The following ACSL6 variants were observed in gnomAD, a reference collection of about 807,000 sequenced individuals.
The protein encoded by ACSL6 is long-chain-fatty-acid--CoA ligase 6.
In ACSL6, 47 loss-of-function variants were observed where a neutral mutation model predicts 98.2. That is an observed-to-expected ratio of 0.48 (90% CI 0.38 to 0.61). The LOEUF is 0.61. ACSL6 is among the 20% of genes least tolerant of loss of function. The pLI is 0.00. For missense variants in ACSL6, 761 were observed against 913.4 expected (o/e 0.83, Z 2.15); for synonymous variants, 362 against 336.9 (o/e 1.07, Z -0.82).
At chr5:132,001,012 C>A (rs1425318252) in intron 1 of ACSL6, among the ~76,000 whole-genome samples, 1 of 152,134 alleles carries the variant, frequency 6.6e-6, no homozygotes, top group African/African-American at 2.4e-5. Context: ...CTAGCTTCCC[C>A]CAACCCACCC....
In ACSL6 at chr5:131,951,835, C is replaced by T. The variant is rs1752178612; in HGVS notation, c.*2399G>A. 2 of 163,202 alleles carry T rather than the reference C, an allele frequency of 1.2e-5. No homozygotes were observed. The highest frequency in any genetic ancestry group is 4.1e-4 in the South Asian group (2 of 4,898). 10.1% of individuals were successfully genotyped at this position (163,202 alleles called of 1,614,324 possible). A position where few individuals can be genotyped will look rare whatever the true frequency, so the allele number is the denominator to read the frequency against. On this transcript the variant is annotated 3_prime_UTR_variant, in exon 21 of 21. Transcript: ENST00000651883. Reference sequence around the variant, plus strand: ...ATCTCCTGACTTCGTGATCTGCCCGCCTCGGCCTCCCAAAGTGCTGGGATT... The same window carrying T: ...ATCTCCTGACTTCGTGATCTGCCCGTCTCGGCCTCCCAAAGTGCTGGGATT...
At chr5:131,999,852 T>C (rs547630737) in intron 1 of ACSL6, among the ~76,000 whole-genome samples, 27 of 152,308 alleles carry the variant, frequency 1.8e-4, no homozygotes, top group African/African-American at 6.5e-4. Flanking sequence ...CCCCCTGCTT[T>C]TCCCCTCACC....
intron 15 of ACSL6, among the ~76,000 whole-genome samples, chr5:131,969,912 T>A (rs988962703): frequency 6.6e-6 from 1 of 152,134 alleles, no homozygotes; most frequent in Non-Finnish European, 1.5e-5. Context: ...TCTTCCAGTG[T>A]GTTAAGGATG....
chr5:131,988,509 A>G lies in ACSL6; in HGVS notation c.653-283T>C, dbSNP rs749250776. On this transcript the variant is annotated intron_variant, in intron 6 of 20. Coordinates refer to ENST00000651883, the MANE Select transcript of ACSL6 (RefSeq NM_001009185.3). ...CCCAGGTCTGTTTGAGATATTTACC[A>G]CCCCCTGCATCTGTGCCAAGCTGTC... 3.1e-6 allele frequency: 5 copies of G among 1,602,450 alleles called. No homozygotes were observed. In the Admixed American group the frequency reaches 8.4e-5, roughly 27 times the overall value.
intron 1 of ACSL6, among the ~76,000 whole-genome samples, chr5:131,995,507 C>T (rs1754752959): frequency 6.6e-6 from 1 of 152,140 alleles, no homozygotes; most frequent in African/African-American, 2.4e-5. Context: ...CCCGAGGCAC[C>T]CTCCTCACAG....
chr5:131,990,078 G>A (rs180862936), intron 4 of ACSL6, 22 bp downstream of exon 4: 5 of 1,612,198 alleles, frequency 3.1e-6, no homozygotes, highest in Non-Finnish European at 4.2e-6. Flanking sequence ...GGCCAGGGTG[G>A]GGCCTGTCCT....
chr5:131,967,652 G>A (rs944442034), intron 16 of ACSL6, among the ~76,000 whole-genome samples: 2 of 144,724 alleles, frequency 1.4e-5, no homozygotes, highest in African/African-American at 5.0e-5. Context: ...GAGACAGAGC[G>A]AGACTCCGTC....
At chr5:131,986,479 A>G (rs141621060) in intron 8 of ACSL6, among the ~76,000 whole-genome samples, 58 of 152,284 alleles carry the variant, frequency 3.8e-4, no homozygotes, top group African/African-American at 1.3e-3. Flanking sequence ...ACAAGAGTCC[A>G]TTTCTGGTTC....
At chr5:132,011,978 G>T, upstream of ACSL6, 1 of 1,515,902 alleles carries the variant, frequency 6.6e-7, no homozygotes, top group Non-Finnish European at 8.9e-7. The surrounding 1 kb of genome is among the most constrained non-coding windows in gnomAD (Gnocchi z 5.4). Flanking sequence ...GCGTGACATT[G>T]AGCCCACCCC....
At chr5:132,008,294 T>C (rs2126970687) in intron 1 of ACSL6, among the ~76,000 whole-genome samples, 1 of 152,262 alleles carries the variant, frequency 6.6e-6, no homozygotes, top group Non-Finnish European at 1.5e-5. Flanking sequence ...AAGGGGAGGA[T>C]CTCACAGGCC....
chr5:131,955,955 G>A (rs1017740009), intron 20 of ACSL6, among the ~76,000 whole-genome samples: 2 of 152,152 alleles, frequency 1.3e-5, no homozygotes, highest in African/African-American at 4.8e-5. Context: ...CTTCTGGTAA[G>A]TACAAACCAT....
intron 14 of ACSL6, 150 bp downstream of exon 14, chr5:131,971,400 C>T (rs1753299088): frequency 1.8e-6 from 1 of 553,406 alleles, no homozygotes; most frequent in Non-Finnish European, 2.9e-6. Flanking sequence ...CTTTCACTGG[C>T]TCTGAGTTTT....
intron 1 of ACSL6, among the ~76,000 whole-genome samples, chr5:132,002,216 G>A (rs1161111340): frequency 3.3e-5 from 5 of 152,182 alleles, no homozygotes; most frequent in Non-Finnish European, 7.3e-5. Context: ...TCCTGTGCAG[G>A]AAGCCAAATC....
At chr5:131,987,962 G>T (rs1263719482) in intron 7 of ACSL6, 86 bp downstream of exon 7, 21 of 1,544,546 alleles carry the variant, frequency 1.4e-5, no homozygotes, top group Middle Eastern at 1.7e-4. Context: ...GCCACCCCAG[G>T]GCATGAGAGG....
At position 131,960,623 on chromosome 5, in the gene ACSL6, T is replaced by C. The variant is rs777305762; in HGVS notation, c.1858-2A>G. 2.5e-6 allele frequency: 4 copies of C among 1,612,770 alleles called. No homozygotes were observed. Among genetic ancestry groups the C allele is most frequent in the Non-Finnish European group, 2.5e-6 (3 of 1,179,396 alleles). On this transcript the variant is annotated splice_acceptor_variant, in intron 18 of 20. Coordinates refer to ENST00000651883, the MANE Select transcript of ACSL6 (RefSeq NM_001009185.3). LOFTEE classifies it high-confidence loss of function. ...CACAACAATGCCTACCAAAAAGGCC[T>C]GCAGTGCTCACCAAAGGAGAACACA...
chr5:131,974,846 AAAG>A (rs1461078633), intron 11 of ACSL6, 44 bp downstream of exon 11: 1 of 1,613,888 alleles, frequency 6.2e-7, no homozygotes, highest in Non-Finnish European at 8.5e-7. Flanking sequence ...CTGTAAGAAA[AAAG>A]AAGGAGCCCA....
rs1208917514 is a variant in ACSL6, at chr5:131,950,115, T to C, written c.*4119A>G. The C allele has an allele frequency of 2.2e-5, 4 of 185,870 alleles. No individual in the cohort carries two copies. The highest frequency in any genetic ancestry group is 4.6e-5 in the Non-Finnish European group (4 of 87,860). 11.5% of individuals were successfully genotyped at this position (185,870 alleles called of 1,614,324 possible). A position where few individuals can be genotyped will look rare whatever the true frequency, so the allele number is the denominator to read the frequency against. ...TATGCATATTTAAAAAGTAATATTTTAATCCCCTCGATTTTTAAAAATTGA... is the reference window on the plus strand; with the variant it reads ...TATGCATATTTAAAAAGTAATATTTCAATCCCCTCGATTTTTAAAAATTGA... On this transcript the variant is annotated 3_prime_UTR_variant, in exon 21 of 21. Coordinates refer to ENST00000651883, the MANE Select transcript of ACSL6 (RefSeq NM_001009185.3).
At chr5:131,991,395 C>A (rs1754505206) in intron 2 of ACSL6, among the ~76,000 whole-genome samples, 1 of 152,176 alleles carries the variant, frequency 6.6e-6, no homozygotes, top group Non-Finnish European at 1.5e-5. Context: ...TACTGCTATG[C>A]CCCTGAGTTA....
chr5:131,973,139 A>C, intron 12 of ACSL6, 127 bp downstream of exon 12: 1 of 1,280,618 alleles, frequency 7.8e-7, no homozygotes, highest in Non-Finnish European at 1.1e-6. Context: ...CAGGAACTAC[A>C]AGAGAGGAGG....
Sources: allele counts gnomAD v4.1 joint callset (sites outside exome capture counted in the v4.1 genomes callset), GRCh38; gene constraint gnomAD v4.1.1; non-coding constraint Gnocchi (gnomAD v3.1); transcripts MANE v1.5; gene names NCBI Gene and HGNC (gene_info 2026-07-23, HGNC 2026-07-21).